Variants in HSD17B3 observed in about 807,000 individuals in gnomAD.
The protein encoded by HSD17B3 is 17-beta-hydroxysteroid dehydrogenase type 3.
HSD17B3 carries 29 observed loss-of-function variants against 41.1 expected under a neutral mutation model. That is an observed-to-expected ratio of 0.71 (90% CI 0.53 to 0.96). HSD17B3 has a LOEUF of 0.96. HSD17B3 is among the 40% of genes least tolerant of loss of function. The pLI, the probability that HSD17B3 is intolerant of heterozygous loss-of-function variation, is 0.00. For synonymous variants in HSD17B3, 126 were observed against 145.6 expected (o/e 0.87, Z 0.97); for missense variants, 323 against 374.6 (o/e 0.86, Z 1.14).
intron 8 of HSD17B3, 54 bp from the exon 9 acceptor site, chr9:96,244,448 G>C: frequency 6.4e-7 from 1 of 1,559,920 alleles, no homozygotes; most frequent in Non-Finnish European, 8.8e-7. Context: ...CCTCGTCAGA[G>C]CCAACTTCCT....
chr9:96,261,678 C>T (rs538182107), intron 2 of HSD17B3, among the ~76,000 whole-genome samples: 1 of 152,344 alleles, frequency 6.6e-6, no homozygotes, highest in East Asian at 1.9e-4. Flanking sequence ...GGGAAACAGT[C>T]GGTATCAGTC....
At chr9:96,295,838 C>A (rs534386671) in intron 2 of HSD17B3, among the ~76,000 whole-genome samples, 6 of 152,242 alleles carry the variant, frequency 3.9e-5, no homozygotes, top group Non-Finnish European at 7.4e-5. Flanking sequence ...GTGGCCCCCC[C>A]AAAATTCATA....
intron 1 of HSD17B3, among the ~76,000 whole-genome samples, chr9:96,299,032 T>G (rs1827473199): frequency 6.6e-6 from 1 of 152,148 alleles, no homozygotes; most frequent in Admixed American, 6.5e-5. Context: ...TGAAGAAACC[T>G]GAAGAATTTG....
intron 6 of HSD17B3, among the ~76,000 whole-genome samples, chr9:96,248,620 G>A (rs1836767226): frequency 6.6e-6 from 1 of 152,186 alleles, no homozygotes; most frequent in Non-Finnish European, 1.5e-5. Flanking sequence ...CAAGGTGTGG[G>A]GTTAGTGCAG....
chr9:96,258,122 T>C (rs1825736451), intron 2 of HSD17B3, among the ~76,000 whole-genome samples: 1 of 152,228 alleles, frequency 6.6e-6, no homozygotes, highest in Non-Finnish European at 1.5e-5. Context: ...CAGCTATTGA[T>C]TATTTGCCTG....
At chr9:96,297,776 C>A (rs998692874) in intron 2 of HSD17B3, among the ~76,000 whole-genome samples, 3 of 152,040 alleles carry the variant, frequency 2.0e-5, no homozygotes, top group Non-Finnish European at 2.9e-5. Flanking sequence ...CATAGGAATT[C>A]CAGGAAACAA....
chr9:96,295,002 CTTTTTTTTTTTT>C (rs10541572), intron 2 of HSD17B3, among the ~76,000 whole-genome samples: 37 of 66,178 alleles, frequency 5.6e-4, no homozygotes, highest in African/African-American at 2.0e-3. Context: ...ACACGAGGAG[CTTTTTTTTTTTT>C]TTTTTTTTTT....
chr9:96,249,622 G>A (rs1836813076), intron 6 of HSD17B3, 129 bp downstream of exon 6: 1 of 799,178 alleles, frequency 1.3e-6, no homozygotes, highest in Non-Finnish European at 2.2e-6. Flanking sequence ...CCACGACATG[G>A]CCTCTCAACT....
chr9:96,240,982 C>T lies in HSD17B3; in HGVS notation c.673-75G>A, dbSNP rs2066485. ...GAAGACTCAGAAATTAACACTCAAG[C>T]CCCCATCCCACCATTTCCCGACCCT... is the stretch of plus-strand genomic sequence containing the variant. On this transcript the variant is annotated intron_variant, in intron 9 of 10. Coordinates refer to ENST00000375263, the MANE Select transcript of HSD17B3 (RefSeq NM_000197.2). The T allele has an allele frequency of 0.85, 1,311,279 of 1,549,094 alleles. 556,398 individuals are homozygous for T. The highest frequency in any genetic ancestry group is 0.97 in the African/African-American group (71,709 of 73,736).
At position 96,253,840 on chromosome 9, in the gene HSD17B3, G is replaced by A. The variant is rs901923265; in HGVS notation, c.278-930C>T. Among the ~76,000 whole-genome samples, 7 of 152,010 alleles carry A rather than the reference G, an allele frequency of 4.6e-5. No homozygotes were observed. The South Asian group carries it at 8.3e-4, about 18-fold the overall frequency. Reference sequence around the variant, plus strand: ...TGAGGCAAACACTGAAGAATGTCTCGGTCCTAGTCAAAGTTACTTCTGATA... The same window carrying A: ...TGAGGCAAACACTGAAGAATGTCTCAGTCCTAGTCAAAGTTACTTCTGATA... On this transcript the variant is annotated intron_variant, in intron 3 of 10. Transcript: ENST00000375263.
intron 2 of HSD17B3, among the ~76,000 whole-genome samples, chr9:96,268,496 GATA>G (rs1313210604): frequency 6.6e-6 from 1 of 152,108 alleles, no homozygotes; most frequent in African/African-American, 2.4e-5. Flanking sequence ...AGATGATAAT[GATA>G]ATAAGTGGTC....
Position 96,235,547 on chromosome 9 carries a change from C to G in HSD17B3, c.846G>C (p.Pro282=), listed in dbSNP as rs564315170. The G allele has an allele frequency of 6.2e-7, 1 of 1,614,022 alleles. No homozygotes were observed. Among genetic ancestry groups the G allele is most frequent in the Non-Finnish European group, 8.5e-7 (1 of 1,180,004 alleles). ...EILAGFLSLI[P]AWAFYSGAFQ... is the part of the protein sequence containing the mutation. Reference sequence around the variant, plus strand: ...AGGCACCGCTGTAGAAGGCCCAGGCCGGGATCAGGCTCAGAAAGCCCGCCT... The same window carrying G: ...AGGCACCGCTGTAGAAGGCCCAGGCGGGGATCAGGCTCAGAAAGCCCGCCT... The change falls in exon 11 of 11, where the codon CCG becomes CCC. Residue 282 remains proline (P), a synonymous_variant. Coordinates refer to ENST00000375263, the MANE Select transcript of HSD17B3 (RefSeq NM_000197.2).
At chr9:96,270,031 T>C (rs1427447825) in intron 2 of HSD17B3, among the ~76,000 whole-genome samples, 1 of 152,074 alleles carries the variant, frequency 6.6e-6, no homozygotes, top group African/African-American at 2.4e-5. Flanking sequence ...TAGAACCACT[T>C]TGTTAAAAAG....
At chr9:96,244,760 A>G (rs756072737) in intron 8 of HSD17B3, among the ~76,000 whole-genome samples, 26 of 152,174 alleles carry the variant, frequency 1.7e-4, no homozygotes, top group African/African-American at 2.2e-4. Flanking sequence ...ATCACCTTGC[A>G]TACTATAAAT....
At chr9:96,242,295 T>C (rs1836489325) in intron 9 of HSD17B3, among the ~76,000 whole-genome samples, 1 of 152,214 alleles carries the variant, frequency 6.6e-6, no homozygotes, top group Non-Finnish European at 1.5e-5. Context: ...CATTCTTAAG[T>C]GATTTTGGGT....
chr9:96,240,691 A>C (rs962786189), intron 10 of HSD17B3, 67 bp downstream of exon 10: 2 of 1,525,238 alleles, frequency 1.3e-6, no homozygotes, highest in Non-Finnish European at 1.8e-6. Flanking sequence ...GAGCTAGCCC[A>C]GCCCTGCCAG....
At chr9:96,282,307 T>C (rs187241651) in intron 2 of HSD17B3, among the ~76,000 whole-genome samples, 213 of 152,322 alleles carry the variant, frequency 1.4e-3, no homozygotes, top group Non-Finnish European at 2.4e-3. Context: ...TAATAAGCGC[T>C]TAAATCAAAT....
chr9:96,280,207 T>C (rs1245229084), intron 2 of HSD17B3, among the ~76,000 whole-genome samples: 1 of 152,216 alleles, frequency 6.6e-6, no homozygotes, highest in East Asian at 1.9e-4. Flanking sequence ...CAGGTTAACT[T>C]AGGAATGCCC....
rs34156466 is a variant in HSD17B3 at position 96,255,045 on chromosome 9, G to A, written c.202-102C>T. Reference sequence around the variant, plus strand: ...CTGAGACTGTGCACATACTGGCAGGGTGACATGGTTGCTTCACCTGGGTTT... The same window carrying A: ...CTGAGACTGTGCACATACTGGCAGGATGACATGGTTGCTTCACCTGGGTTT... On this transcript the variant is annotated intron_variant, in intron 2 of 10. Transcript: ENST00000375263. The A allele has an allele frequency of 3.5e-3, 3,397 of 964,680 alleles. 11 individuals are homozygous for A. The highest frequency in any genetic ancestry group is 4.8e-3 in the Admixed American group (245 of 51,142). The allele number at this position is 964,680 out of a possible 1,614,324, so 59.8% of individuals were successfully genotyped here. A position where few individuals can be genotyped will look rare whatever the true frequency, so the allele number is the denominator to read the frequency against.
Sources: allele counts gnomAD v4.1 joint callset (sites outside exome capture counted in the v4.1 genomes callset), GRCh38; gene constraint gnomAD v4.1.1; transcripts MANE v1.5; gene names NCBI Gene and HGNC (gene_info 2026-07-23, HGNC 2026-07-21).